GSE1: variants seen among roughly 807,000 people sequenced by gnomAD.
GSE1 encodes the protein genetic suppressor element 1.
Under a neutral mutation model 112.6 loss-of-function variants are expected in GSE1, and 32 were observed. The ratio of observed to expected loss-of-function variants is 0.28; its 90% CI spans 0.21 to 0.38. The LOEUF (loss-of-function observed/expected upper bound fraction) is 0.38. Among genes scored for constraint, GSE1 ranks in the 10% least tolerant of loss-of-function variants. The pLI, the probability that GSE1 is intolerant of heterozygous loss-of-function variation, is 1.00. For synonymous variants in GSE1, 1,115 were observed against 735.6 expected, an observed-to-expected ratio of 1.52 and a Z score of -8.35; for missense variants, 2,348 against 1,699.2, an observed-to-expected ratio of 1.38 and a Z score of -6.71.
At chr16:85,312,228 C>T (rs1259785326) in intron 1 of GSE1, among the ~76,000 whole-genome samples, 1 of 136,696 alleles carries the variant, frequency 7.3e-6, no homozygotes, top group Non-Finnish European at 1.6e-5. Context: ...ACACACTTAC[C>T]CCCAAACCCT....
chr16:85,588,208 G>T (rs1204753533), intron 1 of GSE1, among the ~76,000 whole-genome samples: 2 of 152,214 alleles, frequency 1.3e-5, no homozygotes, highest in African/African-American at 4.8e-5. Context: ...GTCAGCCAAA[G>T]AATGCACCCA....
rs146659935 is a variant in GSE1 at position 85,357,505 on chromosome 16, C to A, written c.2326C>A (p.Pro776Thr). The A allele has an allele frequency of 4.5e-3, 5,662 of 1,260,298 alleles. 72 individuals carry two copies. Among genetic ancestry groups the A allele is most frequent in the Middle Eastern group, 0.023 (99 of 4,218 alleles). The allele number at this position is 1,260,298 out of a possible 1,614,324, so 78.1% of individuals were successfully genotyped here. A position where few individuals can be genotyped will look rare whatever the true frequency, so the allele number is the denominator to read the frequency against. ...GGAAGCATCTGCAGCCAGCCACCCT[C>A]CCACCCGGGAGTCCGAGACCCGGCC... The change falls in exon 2 of 3, where the codon CCC (proline) becomes ACC (threonine). Residue 776 changes from proline to threonine, a missense_variant. Transcript: ENST00000637419.
chr16:85,628,008 G>A (rs1325178547), intron 1 of GSE1, among the ~76,000 whole-genome samples: 3 of 152,154 alleles, frequency 2.0e-5, no homozygotes, highest in African/African-American at 7.2e-5. Context: ...CAGCAGCCTT[G>A]AAGTGATCCC....
At chr16:85,203,798 T>G (rs2075070191) in intron 1 of GSE1, among the ~76,000 whole-genome samples, 1 of 152,166 alleles carries the variant, frequency 6.6e-6, no homozygotes, top group Non-Finnish European at 1.5e-5. Flanking sequence ...TGTGCAGTGG[T>G]GTGATCTCAG....
intron 2 of GSE1, among the ~76,000 whole-genome samples, chr16:85,518,176 G>T (rs1289169213): frequency 2.6e-5 from 4 of 152,230 alleles, no homozygotes; most frequent in African/African-American, 9.6e-5. Flanking sequence ...AGACATCTGT[G>T]CCTGCAGGCC....
intron 1 of GSE1, among the ~76,000 whole-genome samples, chr16:85,328,508 G>A (rs1567690613): frequency 1.3e-5 from 2 of 152,346 alleles, no homozygotes; most frequent in Non-Finnish European, 2.9e-5. Context: ...GCTCTCAGCC[G>A]ACTGGCGGGC....
At chr16:85,385,312 T>C (rs760120764) in intron 2 of GSE1, among the ~76,000 whole-genome samples, 1 of 152,174 alleles carries the variant, frequency 6.6e-6, no homozygotes, top group Non-Finnish European at 1.5e-5. Context: ...TCCTCTCAAC[T>C]GCCCCTTGCC....
intron 11 of GSE1, among the ~76,000 whole-genome samples, chr16:85,664,021 G>A (rs559211925): frequency 1.3e-5 from 2 of 152,380 alleles, no homozygotes; most frequent in East Asian, 3.9e-4. Flanking sequence ...GGTGGCCGGA[G>A]GCCTGGGGAA....
intron 1 of GSE1, among the ~76,000 whole-genome samples, chr16:85,330,060 G>C (rs1183759071): frequency 1.3e-5 from 2 of 152,150 alleles, no homozygotes; most frequent in African/African-American, 2.4e-5. Flanking sequence ...AGGTGCACGT[G>C]TTCTTCCTGG....
chr16:85,528,660 T>TTTGTTTTG (rs2052444625), intron 2 of GSE1, among the ~76,000 whole-genome samples: 1 of 151,432 alleles, frequency 6.6e-6, no homozygotes. Context: ...TTTGTTTTGT[T>TTTGTTTTG]TTGTTTTGTT....
chr16:85,466,044 A>G (rs2050112114), intron 2 of GSE1, among the ~76,000 whole-genome samples: 1 of 152,176 alleles, frequency 6.6e-6, no homozygotes, highest in Non-Finnish European at 1.5e-5. Context: ...CCAGCCTAAG[A>G]GCTTAGCTTT....
chr16:85,284,815 G>A (rs756153863), intron 1 of GSE1, among the ~76,000 whole-genome samples: 4 of 152,202 alleles, frequency 2.6e-5, no homozygotes, highest in African/African-American at 9.6e-5. Flanking sequence ...CTCCGCTGCC[G>A]TCCTGGCAGT....
At chr16:85,616,769 G>A (rs775795508) in intron 1 of GSE1, among the ~76,000 whole-genome samples, 4 of 152,050 alleles carry the variant, frequency 2.6e-5, no homozygotes, top group Admixed American at 1.3e-4. Context: ...CTTCACTTCC[G>A]CATGCTGGCC....
At chr16:85,310,061 C>A (rs2045793464) in intron 1 of GSE1, among the ~76,000 whole-genome samples, 1 of 152,238 alleles carries the variant, frequency 6.6e-6, no homozygotes, top group African/African-American at 2.4e-5. Flanking sequence ...AGGCATAAGC[C>A]CAGGCATAAG....
At chr16:85,375,138 G>A (rs2047391182) in intron 2 of GSE1, among the ~76,000 whole-genome samples, 1 of 152,148 alleles carries the variant, frequency 6.6e-6, no homozygotes, top group South Asian at 2.1e-4. Context: ...AGTGAGTTGG[G>A]GTGCGAGGCC....
At chr16:85,498,888 C>G (rs1036335669) in intron 2 of GSE1, among the ~76,000 whole-genome samples, 1 of 152,262 alleles carries the variant, frequency 6.6e-6, no homozygotes, top group Non-Finnish European at 1.5e-5. Flanking sequence ...GTTAGAGCAA[C>G]TTGCACCTGG....
In GSE1 at chr16:85,668,273, A is replaced by T. The variant is rs549299489; in HGVS notation, c.3264A>T (p.Ala1088=). 1.0e-4 allele frequency: 167 copies of T among 1,613,266 alleles called. 3 individuals are homozygous for T. In the South Asian group the frequency reaches 1.8e-3, roughly 17 times the overall value. ...ATGGGCAGCAGGAGCCCCCCACTGC[A>T]AGGAAGGGCCCCCCAACCCAGGAGT... is the stretch of plus-strand genomic sequence containing the variant. ...QHNGQQEPPT[A]RKGPPTQELD... is the part of the protein sequence containing the mutation. The change falls in exon 14 of 16, where the codon GCA becomes GCT. Residue 1088 remains alanine, a synonymous_variant. Coordinates refer to ENST00000253458, the MANE Select transcript of GSE1 (RefSeq NM_014615.5).
At chr16:85,650,322 G>A (rs938400529) in intron 3 of GSE1, among the ~76,000 whole-genome samples, 1 of 152,114 alleles carries the variant, frequency 6.6e-6, no homozygotes, top group African/African-American at 2.4e-5. Flanking sequence ...TGAATCACCC[G>A]ACTCAAACAG....
At chr16:85,376,468 G>A (rs529885648) in intron 2 of GSE1, among the ~76,000 whole-genome samples, 2 of 152,310 alleles carry the variant, frequency 1.3e-5, no homozygotes, top group African/African-American at 2.4e-5. Context: ...CTGGCTCCTT[G>A]ATGGCAGATT....
Sources: allele counts gnomAD v4.1 joint callset (sites outside exome capture counted in the v4.1 genomes callset), GRCh38; gene constraint gnomAD v4.1.1; transcripts MANE v1.5; gene names NCBI Gene and HGNC (gene_info 2026-07-23, HGNC 2026-07-21).